The following TTN variants were observed in gnomAD, a reference collection of about 807,000 sequenced individuals.
TTN encodes the protein titin.
A neutral mutation model predicts 3,223.0 loss-of-function variants in TTN; 1,525 were observed. The observed-to-expected ratio is 0.47, with a 90% confidence interval of 0.45 to 0.49. The LOEUF (loss-of-function observed/expected upper bound fraction) is 0.49, where lower values mean the gene tolerates loss of function less well. TTN is among the 20% of genes least tolerant of loss of function. TTN has a pLI of 0.00. For synonymous variants in TTN, 14,094 were observed against 15,161.0 expected, an observed-to-expected ratio of 0.93 and a Z score of 5.17; for missense variants, 40,786 against 43,424.0, an observed-to-expected ratio of 0.94 and a Z score of 5.40.
chr2:178,712,509 G>A lies in TTN; in HGVS notation c.27413C>T (p.Thr9138Ile). Residue 9138 changes from threonine to isoleucine, a missense_variant, in exon 95 of 363, where the codon ACT (threonine) becomes ATT (isoleucine). By Grantham distance (89) the Thr-to-Ile change is moderately conservative. Coordinates refer to ENST00000589042, the MANE Select transcript of TTN (RefSeq NM_001267550.2). ...PLILEGTFTG[T>I]PPISVTWKKN... Reference sequence around the variant, plus strand: ...CTTCCAGGTAACCGAAATGGGAGGAGTTCCAGTGAATGTACCCTCTAGGAT... The same window carrying A: ...CTTCCAGGTAACCGAAATGGGAGGAATTCCAGTGAATGTACCCTCTAGGAT... 6.2e-7 allele frequency: 1 copy of A among 1,613,752 alleles called. No individual in the cohort carries two copies. The highest frequency in any genetic ancestry group is 1.3e-5 in the African/African-American group (1 of 75,008).
In TTN at chr2:178,526,949, A is replaced by C. The variant is rs1398762586; in HGVS notation, c.*63T>G. 7.2e-7 allele frequency: 1 copy of C among 1,396,716 alleles called. No individual in the cohort carries two copies. The highest frequency in any genetic ancestry group is 2.5e-5 in the Admixed American group (1 of 39,648). The allele number at this position is 1,396,716 out of a possible 1,614,324, so 86.5% of individuals were successfully genotyped here. ...TAAATATTTACAGTTCAGAAAGATTAGTCCGTGTGAAACGTTTGCGAAAAG... is the reference window on the plus strand; with the variant it reads ...TAAATATTTACAGTTCAGAAAGATTCGTCCGTGTGAAACGTTTGCGAAAAG... On this transcript the variant is annotated 3_prime_UTR_variant, in exon 363 of 363. Coordinates refer to ENST00000589042, the MANE Select transcript of TTN (RefSeq NM_001267550.2).
Position 178,721,836 on chromosome 2 carries a change from T to C in TTN, c.22816+11A>G. 3 of 1,521,504 alleles carry C rather than the reference T, an allele frequency of 2.0e-6. No individual in the cohort carries two copies. Among genetic ancestry groups the C allele is most frequent in the Non-Finnish European group, 2.6e-6 (3 of 1,133,886 alleles). The allele number at this position is 1,521,504 out of a possible 1,614,324, so 94.3% of individuals were successfully genotyped here. ...AAGGAACAAATATTGTCAAAAGTCA[T>C]GGAATGATACCTTTTACACTGAGCT... is the stretch of plus-strand genomic sequence containing the variant. On this transcript the variant is annotated intron_variant, in intron 78 of 362. Transcript: ENST00000589042.
Position 178,553,775 on chromosome 2 carries a change from C to T in TTN, c.89230G>A (p.Ala29744Thr), listed in dbSNP as rs201592005. Residue 29744 changes from alanine (A) to threonine (T), a missense_variant, in exon 334 of 363, where the codon GCA (alanine) becomes ACA (threonine). Transcript: ENST00000589042. ...GTGATGGATGACTTGGTTGAATCTG[C>T]GATTCTTATCTTAGCAGGTGGACCT... ...PPGPPAKIRI[A>T]DSTKSSITLG... 46 of 1,604,090 alleles carry T rather than the reference C, an allele frequency of 2.9e-5. No homozygotes were observed. The highest frequency in any genetic ancestry group is 1.7e-4 in the Middle Eastern group (1 of 6,034).
intron 47 of TTN, 21 bp from the exon 48 acceptor site, chr2:178,741,942 A>G: frequency 7.2e-7 from 1 of 1,387,374 alleles, no homozygotes. Flanking sequence ...AAAAATGATT[A>G]TTATTTTACT....
At position 178,610,279 on chromosome 2, in the gene TTN, C is replaced by A. The variant is rs746817480; in HGVS notation, c.51247G>T (p.Val17083Phe). Residue 17083 changes from valine to phenylalanine, a missense_variant, in exon 271 of 363, where the codon GTC (valine) becomes TTC (phenylalanine). Coordinates refer to ENST00000589042, the MANE Select transcript of TTN (RefSeq NM_001267550.2). The part of the protein sequence containing the change: ...FDGGTPILHY[V>F]LERREAGRRT... ...CTCCCAGCTTCTCTGCGCTCCAGGA[C>A]ATAATGAAGAATTGGGGTTCCACCA... 208 of 1,612,828 alleles carry A rather than the reference C, an allele frequency of 1.3e-4. No individual in the cohort carries two copies. Among genetic ancestry groups the A allele is most frequent in the Non-Finnish European group, 1.7e-4 (198 of 1,179,256 alleles).
intron 6 of TTN, chr2:178,798,851 A>G (rs2093904064): frequency 1.3e-5 from 2 of 153,116 alleles, no homozygotes; most frequent in Admixed American, 1.3e-4. Flanking sequence ...CAAACTGTTA[A>G]GTGATCAGGC....
Position 178,795,255 on chromosome 2 carries a change from G to GA in TTN, c.915-4dup, listed in dbSNP as rs730880351. The GA allele has an allele frequency of 2.8e-5, 45 of 1,613,936 alleles. No homozygotes were observed. The highest frequency in any genetic ancestry group is 3.5e-5 in the Non-Finnish European group (41 of 1,179,972). ...TTCTTGCTGCTGGAGACACGGACCT[G>GA]AAAACCAAAAGGCAGAGGTCAAGAA... On this transcript the variant is annotated splice_region_variant and splice_polypyrimidine_tract_variant and intron_variant, in intron 6 of 362. Transcript: ENST00000589042.
In TTN at chr2:178,582,425, G is replaced by A. The variant is rs758402332; in HGVS notation, c.66031C>T (p.Pro22011Ser). Residue 22011 changes from proline (P) to serine (S), a missense_variant, in exon 314 of 363, where the codon CCT becomes TCT. Transcript: ENST00000589042. The stretch of plus-strand genomic sequence containing the variant: ...TTCTCCACGCTGCAGCTGGTGATAG[G>A]CACAGTTGCAGAGACTTGAGCCCAG... ...PNWAQVSATV[P>S]ITSCSVEKLI... 1.2e-6 allele frequency: 2 copies of A among 1,612,936 alleles called. No individual in the cohort carries two copies. The highest frequency in any genetic ancestry group is 1.7e-6 in the Non-Finnish European group (2 of 1,179,362).
rs1688851195 is a variant in TTN at position 178,530,948 on chromosome 2, C to T, written c.105667G>A (p.Val35223Ile). The T allele has an allele frequency of 6.2e-7, 1 of 1,613,800 alleles. No homozygotes were observed. Among genetic ancestry groups the T allele is most frequent in the African/African-American group, 1.3e-5 (1 of 74,884 alleles). ...GGTGATGTCACAGCCTTTTCAGTTA[C>T]CCTGGCCTTTTGAATAGTCAGAGTG... ...EFTLTIQKAR[V>I]TEKAVTSPPR... Residue 35223 changes from valine (V) to isoleucine (I), a missense_variant, in exon 358 of 363, where the codon GTA becomes ATA. Physicochemically the swap from Val to Ile is conservative, Grantham distance 29 (BLOSUM62 3). Transcript: ENST00000589042.
rs945591043 is a variant in TTN, at chr2:178,590,911, G to A, written c.60814C>T (p.Pro20272Ser). ...ACCACTGGTTTACCAGGAGGAGACG[G>A]AGGACTAAATTTATGCTTAGCAACA... ...PTVAKHKFSP[P>S]SPPGKPVVTD... Residue 20272 changes from proline (P) to serine (S), a missense_variant, in exon 304 of 363, where the codon CCG (proline) becomes TCG (serine). Coordinates refer to ENST00000589042, the MANE Select transcript of TTN (RefSeq NM_001267550.2). 2 of 1,612,420 alleles carry A rather than the reference G, an allele frequency of 1.2e-6. No individual in the cohort carries two copies. The highest frequency in any genetic ancestry group is 2.7e-5 in the African/African-American group (2 of 74,864).
Position 178,566,901 on chromosome 2 carries a change from C to T in TTN, c.79231G>A (p.Asp26411Asn), listed in dbSNP as rs2154165912. The change falls in exon 326 of 363, where the codon GAT (aspartate) becomes AAT (asparagine). Residue 26411 changes from aspartate to asparagine, a missense_variant. Coordinates refer to ENST00000589042, the MANE Select transcript of TTN (RefSeq NM_001267550.2). ...ATAATCTCACTTCCACCATCACTAT[C>T]TGGACGGTTCCAACAGACGGTCATG... ...DSMTVCWNRP[D>N]SDGGSEIIGY... 2 of 1,613,580 alleles carry T rather than the reference C, an allele frequency of 1.2e-6. No individual in the cohort carries two copies. Among genetic ancestry groups the T allele is most frequent in the Middle Eastern group, 1.6e-4 (1 of 6,062 alleles).
rs559327166 is a variant in TTN, at chr2:178,642,134, G to A, written c.40558+103C>T. The A allele has an allele frequency of 4.8e-4, 429 of 896,202 alleles. 1 individual carries two copies. In the African/African-American group the frequency reaches 7.1e-3, roughly 15 times the overall value. The allele number at this position is 896,202 out of a possible 1,614,324, so 55.5% of individuals were successfully genotyped here. A position where few individuals can be genotyped will look rare whatever the true frequency, so the allele number is the denominator to read the frequency against. Reference sequence around the variant, plus strand: ...CTACAAACAAATTTTGATAAATAGCGAACCAATTCAAAGAAAACCAAAGGA... The same window carrying A: ...CTACAAACAAATTTTGATAAATAGCAAACCAATTCAAAGAAAACCAAAGGA... On this transcript the variant is annotated intron_variant, in intron 219 of 362. Transcript: ENST00000589042.
intron 47 of TTN, chr2:178,745,743 ATTTTCCATCTTTGTACCAGTAAACCGTGG>A (rs770726042): frequency 1.2e-6 from 2 of 1,612,704 alleles, no homozygotes; most frequent in Admixed American, 3.3e-5. Context: ...CCTTGGACTA[ATTTTCCATCTTTGTACCAGTAAACCGTGG>A]GTCTTGGAGA....
At chr2:178,603,814 A>G (rs1040644436) in intron 282 of TTN, 62 bp downstream of exon 282, 2 of 1,439,342 alleles carry the variant, frequency 1.4e-6, no homozygotes, top group African/African-American at 2.8e-5. Context: ...TTTAAGGCAG[A>G]ATTATCCATT....
chr2:178,654,145 T>C (rs747695122), intron 193 of TTN, 50 bp from the exon 194 acceptor site: 12 of 1,593,848 alleles, frequency 7.5e-6, no homozygotes, highest in South Asian at 6.7e-5. Context: ...AAGGTATATA[T>C]TACAGTGATT....
Position 178,565,759 on chromosome 2 carries a change from A to T in TTN, c.80373T>A (p.Asp26791Glu), listed in dbSNP as rs749401230. 7 of 1,613,494 alleles carry T rather than the reference A, an allele frequency of 4.3e-6. No homozygotes were observed. In the African/African-American group the frequency reaches 9.3e-5, roughly 22 times the overall value. The change falls in exon 326 of 363, where the codon GAT becomes GAA. Residue 26791 changes from aspartate to glutamate, a missense_variant. Physicochemically the swap from Asp to Glu is conservative, Grantham distance 45. Transcript: ENST00000589042. ...TAAGTGATGCACTGGTCTGGGACAC[A>T]TCAGTGAGTGTAACCTTTCCTGGTG... ...PSPPGKVTLT[D>E]VSQTSASLMW...
At chr2:178,541,963 C>T in intron 349 of TTN, 1 of 287,780 alleles carries the variant, frequency 3.5e-6, no homozygotes, top group Non-Finnish European at 6.4e-6. Context: ...TCCTTCCTTT[C>T]CTCTCTTCCT....
At position 178,584,654 on chromosome 2, in the gene TTN, T is replaced by C. The variant is rs1288993621; in HGVS notation, c.64972+15A>G. 1 of 1,610,682 alleles carries C rather than the reference T, an allele frequency of 6.2e-7. No individual in the cohort carries two copies. Among genetic ancestry groups the C allele is most frequent in the Non-Finnish European group, 8.5e-7 (1 of 1,179,006 alleles). On this transcript the variant is annotated intron_variant, in intron 310 of 362. Transcript: ENST00000589042. ...AGAAAGAAAACAACTTTTTTTCTCC[T>C]TCACAAAAACATACCAAATGGGAAC... is the stretch of plus-strand genomic sequence containing the variant.
chr2:178,796,637 C>A (rs1339362994), intron 6 of TTN, among the ~76,000 whole-genome samples: 1 of 152,050 alleles, frequency 6.6e-6, no homozygotes, highest in Non-Finnish European at 1.5e-5. Flanking sequence ...GTGTGGTTTC[C>A]ACTAACTGAA....
Sources: gnomAD v4.1 joint callset for allele counts (sites outside exome capture counted in the v4.1 genomes callset) on GRCh38, gnomAD v4.1.1 for gene constraint, MANE v1.5 for transcripts, NCBI Gene and HGNC (gene_info 2026-07-23, HGNC 2026-07-21) for gene names.